PRKAR1A: variants seen among roughly 807,000 people sequenced by gnomAD.
PRKAR1A encodes protein kinase cAMP-dependent type I regulatory subunit alpha, also known as cAMP-dependent protein kinase type I-alpha regulatory subunit.
A neutral mutation model predicts 52.0 loss-of-function variants in PRKAR1A; 3 were observed. That is an observed-to-expected ratio of 0.06 (90% CI 0.03 to 0.15). The LOEUF is 0.15. Ranked by LOEUF, PRKAR1A falls within the 10% of genes least tolerant of loss-of-function variation. The pLI is 1.00. For missense variants in PRKAR1A, 240 were observed against 477.4 expected (o/e 0.50, Z 4.63); for synonymous variants, 188 against 168.4 (o/e 1.12, Z -0.90).
At chr17:68,526,322 T>C (rs1035389123) in intron 7 of PRKAR1A, among the ~76,000 whole-genome samples, 1 of 152,242 alleles carries the variant, frequency 6.6e-6, no homozygotes, top group Non-Finnish European at 1.5e-5. Context: ...GAAAGTGGGT[T>C]ATCAGTAATG....
the PRKAR1A span, among the ~76,000 whole-genome samples, chr17:68,489,245 ATATATATATATATATGG>A: frequency 2.2e-5 from 1 of 44,698 alleles, no homozygotes; most frequent in Non-Finnish European, 3.8e-5. Context: ...GTATATATAT[ATATATATATATATATGG>A]AAAGTATATA....
chr17:68,415,437 A>G, the PRKAR1A span, among the ~76,000 whole-genome samples: 98 of 152,266 alleles, frequency 6.4e-4, 1 homozygote, highest in African/African-American at 2.2e-3. Context: ...TTTGTGGCCT[A>G]TTGTATGGTC....
chr17:68,420,544 CA>C, the PRKAR1A span: 7 of 1,458,182 alleles, frequency 4.8e-6, no homozygotes, highest in Non-Finnish European at 3.8e-6. Flanking sequence ...ACCCTCTTTA[CA>C]AACACACGCT....
At chr17:68,427,117 G>A in the PRKAR1A span, 2 of 1,597,436 alleles carry the variant, frequency 1.3e-6, no homozygotes, top group African/African-American at 2.7e-5. Context: ...CTCCCCTGTT[G>A]GCCCCGTGTC....
chr17:68,484,045 T>G, the PRKAR1A span, among the ~76,000 whole-genome samples: 1 of 152,202 alleles, frequency 6.6e-6, no homozygotes, highest in Non-Finnish European at 1.5e-5. Context: ...ACTTTGTTTT[T>G]GTTATTCTAG....
chr17:68,510,159 C>CAGACAGAG (rs2085243653), upstream of PRKAR1A, among the ~76,000 whole-genome samples: 1 of 127,520 alleles, frequency 7.8e-6, no homozygotes, highest in Non-Finnish European at 1.7e-5. Flanking sequence ...TATATGTAGA[C>CAGACAGAG]AGAGAGAGAG....
chr17:68,543,627 A>G (rs1483011834), intron 11 of PRKAR1A: 1 of 1,613,790 alleles, frequency 6.2e-7, no homozygotes, highest in African/African-American at 1.3e-5. Flanking sequence ...GCCAGACCCT[A>G]CCTGTCCAGA....
At chr17:68,539,514 A>C in intron 11 of PRKAR1A, 8 of 886,486 alleles carry the variant, frequency 9.0e-6, no homozygotes, top group Non-Finnish European at 1.5e-5. Flanking sequence ...GCCAGGGATC[A>C]TGGCAGCTGC....
At chr17:68,463,110 G>C in the PRKAR1A span, among the ~76,000 whole-genome samples, 59 of 152,204 alleles carry the variant, frequency 3.9e-4, no homozygotes, top group African/African-American at 1.4e-3. Flanking sequence ...AAGGCTTTGG[G>C]CTTAGGGTGA....
the PRKAR1A span, among the ~76,000 whole-genome samples, chr17:68,486,470 T>TCTCC: frequency 5.8e-5 from 5 of 86,176 alleles, no homozygotes; most frequent in Non-Finnish European, 1.2e-4. Flanking sequence ...TCTTTCTTTC[T>TCTCC]CTCCTTCCTT....
the PRKAR1A span, among the ~76,000 whole-genome samples, chr17:68,478,733 GT>G: frequency 1.7e-4 from 8 of 47,042 alleles, no homozygotes; most frequent in African/African-American, 4.3e-4. Flanking sequence ...GGACAGTTTT[GT>G]TTTTTTTTTT....
At chr17:68,495,044 C>G in the PRKAR1A span, among the ~76,000 whole-genome samples, 1 of 152,132 alleles carries the variant, frequency 6.6e-6, no homozygotes, top group East Asian at 1.9e-4. Context: ...CTTTATATCT[C>G]AGGCTCTTTT....
chr17:68,524,128 A>G, intron 5 of PRKAR1A, 51 bp downstream of exon 5: 1 of 1,593,558 alleles, frequency 6.3e-7, no homozygotes, highest in Admixed American at 1.7e-5. Context: ...AGGCGAGACT[A>G]GAGGATTTTT....
Position 68,531,160 on chromosome 17 carries a change from C to A in PRKAR1A, c.*711C>A. 9.4e-7 allele frequency: 1 copy of A among 1,065,836 alleles called. No individual in the cohort carries two copies. Among genetic ancestry groups the A allele is most frequent in the African/African-American group, 1.6e-5 (1 of 61,152 alleles). 66.0% of individuals were successfully genotyped at this position (1,065,836 alleles called of 1,614,324 possible). A position where few individuals can be genotyped will look rare whatever the true frequency, so the allele number is the denominator to read the frequency against. Reference sequence around the variant, plus strand: ...CTATACCTGCCTTTTAAGTTTGAAACTAACTCATAGATTGCAAATATTGGT... The same window carrying A: ...CTATACCTGCCTTTTAAGTTTGAAAATAACTCATAGATTGCAAATATTGGT... On this transcript the variant is annotated 3_prime_UTR_variant, in exon 11 of 11. Coordinates refer to ENST00000589228, the MANE Select transcript of PRKAR1A (RefSeq NM_002734.5).
the PRKAR1A span, among the ~76,000 whole-genome samples, chr17:68,488,441 C>T: frequency 6.6e-6 from 1 of 151,950 alleles, no homozygotes; most frequent in Admixed American, 6.6e-5. Flanking sequence ...TAAGAGCCAG[C>T]ATGGGGCTGG....
chr17:68,424,844 T>G, the PRKAR1A span, among the ~76,000 whole-genome samples: 3 of 152,204 alleles, frequency 2.0e-5, no homozygotes, highest in Non-Finnish European at 4.4e-5. Flanking sequence ...ACCACTGCAC[T>G]CCAGCCTGGG....
chr17:68,529,984 G>C lies in PRKAR1A; in HGVS notation c.956G>C (p.Gly319Ala). 6.2e-7 allele frequency: 1 copy of C among 1,613,900 alleles called. No homozygotes were observed. Among genetic ancestry groups the C allele is most frequent in the Non-Finnish European group, 8.5e-7 (1 of 1,179,896 alleles). ...NEEFVEVGRL[G>A]PSDYFGEIAL... Reference sequence around the variant, plus strand: ...GAGTTTGTTGAAGTGGGAAGATTGGGGCCTTCTGATTATTTTGGTATGTAT... The same window carrying C: ...GAGTTTGTTGAAGTGGGAAGATTGGCGCCTTCTGATTATTTTGGTATGTAT... The change falls in exon 10 of 11, where the codon GGG becomes GCG. Residue 319 changes from glycine to alanine, a missense_variant. Coordinates refer to ENST00000589228, the MANE Select transcript of PRKAR1A (RefSeq NM_002734.5).
chr17:68,535,670 T>A (rs536069780), downstream of PRKAR1A: 197 of 271,308 alleles, frequency 7.3e-4, no homozygotes, highest in African/African-American at 3.1e-3. Flanking sequence ...TAAAAAAAAA[T>A]TTTTTTTTTT....
downstream of PRKAR1A, chr17:68,535,130 C>G (rs1230752137): frequency 1.4e-5 from 5 of 369,740 alleles, no homozygotes; most frequent in Non-Finnish European, 2.6e-5. Flanking sequence ...AGTCAAGAGA[C>G]TTTTTATTTC....
Sources: gnomAD v4.1 joint callset for allele counts (sites outside exome capture counted in the v4.1 genomes callset) on GRCh38, gnomAD v4.1.1 for gene constraint, MANE v1.5 for transcripts, NCBI Gene and HGNC (gene_info 2026-07-23, HGNC 2026-07-21) for gene names.